The following AP2A1 variants were observed in gnomAD, a reference collection of about 807,000 sequenced individuals.
AP2A1 encodes the protein adaptor related protein complex 2 subunit alpha 1, also known as AP-2 complex subunit alpha-1.
Under a neutral mutation model 107.3 loss-of-function variants are expected in AP2A1, and 21 were observed. The ratio of observed to expected loss-of-function variants is 0.20; its 90% CI spans 0.14 to 0.28. The LOEUF is 0.28. Among genes scored for constraint, AP2A1 ranks in the 10% least tolerant of loss-of-function variants. AP2A1 has a pLI of 1.00. For missense variants in AP2A1, 873 were observed against 1,307.7 expected (o/e 0.67, Z 5.13); for synonymous variants, 602 against 564.8 (o/e 1.07, Z -0.93).
At chr19:49,781,264 G>T (rs1419384917) in intron 1 of AP2A1, among the ~76,000 whole-genome samples, 3 of 152,110 alleles carry the variant, frequency 2.0e-5, no homozygotes, top group Admixed American at 6.5e-5. Flanking sequence ...GGGGACAAAG[G>T]GGGTGAGGAC....
intron 22 of AP2A1, 26 bp from the exon 23 acceptor site, chr19:49,806,655 G>GT: frequency 6.2e-7 from 1 of 1,611,902 alleles, no homozygotes. Flanking sequence ...TCTCCTCTGA[G>GT]TTCTGCCCCC....
chr19:49,804,554 A>G (rs934261803), intron 18 of AP2A1: 4 of 151,680 alleles, frequency 2.6e-5, no homozygotes, highest in African/African-American at 9.7e-5. Context: ...AAAAAAAAAA[A>G]AAATTCCTTC....
chr19:49,776,093 TGGAC>T (rs1168695120), intron 1 of AP2A1, among the ~76,000 whole-genome samples: 1 of 152,128 alleles, frequency 6.6e-6, no homozygotes, highest in African/African-American at 2.4e-5. Flanking sequence ...CAACAGCCAC[TGGAC>T]GGAGCACGGC....
chr19:49,802,013 GCTGCGGGCAGCCCCT>G lies in AP2A1; in HGVS notation c.1988_2002del (p.Leu663_Pro667del). On this transcript the variant is annotated inframe_deletion, in exon 15 of 23. Coordinates refer to ENST00000354293, the MANE Select transcript of AP2A1 (RefSeq NM_130787.3). ...CCTCGCCCTCCGCCGACCTCCTGGGGCTGCGGGCAGCCCCTCCCCCGGCAGCACCCCCGGCTTCTG... is the reference window on the plus strand; with the variant it reads ...CCTCGCCCTCCGCCGACCTCCTGGGGCCCCCGGCAGCACCCCCGGCTTCTG... 6.4e-7 allele frequency: 1 copy of G among 1,552,494 alleles called. No homozygotes were observed. Among genetic ancestry groups the G allele is most frequent in the South Asian group, 1.2e-5 (1 of 84,722 alleles).
At chr19:49,802,301 C>A in intron 15 of AP2A1, 160 bp downstream of exon 15, 1 of 833,742 alleles carries the variant, frequency 1.2e-6, no homozygotes, top group Non-Finnish European at 2.0e-6. Context: ...TCCCCTGCCC[C>A]AGCCTCCCTG....
chr19:49,792,902 C>T, intron 5 of AP2A1, 89 bp from the exon 6 acceptor site: 2 of 1,154,784 alleles, frequency 1.7e-6, no homozygotes, highest in Non-Finnish European at 1.3e-6. Flanking sequence ...CGACTGCACA[C>T]ACATCCCGAC....
intron 18 of AP2A1, 28 bp from the exon 19 acceptor site, chr19:49,805,425 T>G: frequency 3.3e-6 from 5 of 1,518,088 alleles, no homozygotes; most frequent in Non-Finnish European, 4.4e-6. Flanking sequence ...ACCTCCTCTG[T>G]CTGGCTTCCT....
chr19:49,806,428 A>G lies in AP2A1; in HGVS notation c.2790+175A>G, dbSNP rs895199679. 21 of 1,433,760 alleles carry G rather than the reference A, an allele frequency of 1.5e-5. No individual in the cohort carries two copies. The African/African-American group carries it at 2.0e-4, about 14-fold the overall frequency. The allele number at this position is 1,433,760 out of a possible 1,614,324, so 88.8% of individuals were successfully genotyped here. A position where few individuals can be genotyped will look rare whatever the true frequency, so the allele number is the denominator to read the frequency against. Reference sequence around the variant, plus strand: ...CTATCAGTTTAATCTCCTGTCTCCAACCTCTGGTGTTCCTCTCCTCTTCCT... The same window carrying G: ...CTATCAGTTTAATCTCCTGTCTCCAGCCTCTGGTGTTCCTCTCCTCTTCCT... On this transcript the variant is annotated intron_variant, in intron 22 of 22. Coordinates refer to ENST00000354293, the MANE Select transcript of AP2A1 (RefSeq NM_130787.3).
At chr19:49,798,329 C>G (rs2073236146) in intron 7 of AP2A1, among the ~76,000 whole-genome samples, 1 of 152,150 alleles carries the variant, frequency 6.6e-6, no homozygotes, top group African/African-American at 2.4e-5. Context: ...CCGAGTGTGC[C>G]TGCAGTGGCC....
chr19:49,774,639 G>A (rs2084598665), intron 1 of AP2A1, among the ~76,000 whole-genome samples: 1 of 151,920 alleles, frequency 6.6e-6, no homozygotes. Context: ...AAGCAAAACA[G>A]GGGCCAGGTA....
At chr19:49,795,145 G>A (rs1297705105) in intron 6 of AP2A1, among the ~76,000 whole-genome samples, 2 of 152,222 alleles carry the variant, frequency 1.3e-5, no homozygotes, top group Non-Finnish European at 1.5e-5. Flanking sequence ...GTGCTCTGAC[G>A]GAGGAAGCCT....
intron 6 of AP2A1, 44 bp from the exon 7 acceptor site, chr19:49,795,586 C>CACA: frequency 1.4e-6 from 1 of 727,796 alleles, no homozygotes; most frequent in Non-Finnish European, 2.5e-6. Flanking sequence ...CCACGTGCCC[C>CACA]TCCCACCCCA....
rs1568579465 is a variant in AP2A1 at position 49,787,345 on chromosome 19, TTGTTTTTTG to T, written c.474-4588_474-4580del. Among the ~76,000 whole-genome samples, 628 of 108,672 alleles carry T rather than the reference TTGTTTTTTG, an allele frequency of 5.8e-3. 47 individuals carry two copies. Among genetic ancestry groups the T allele is most frequent in the East Asian group, 0.011 (38 of 3,318 alleles). 71.3% of individuals were successfully genotyped at this position (108,672 alleles called of 152,430 possible). A position where few individuals can be genotyped will look rare whatever the true frequency, so the allele number is the denominator to read the frequency against. On this transcript the variant is annotated intron_variant, in intron 4 of 22. Transcript: ENST00000354293. ...TCTAGGCTTTTTTTGTTTGTTTTTTTTGTTTTTTGTTTTTTTTTTTTTGAGGCAGTCTCT... is the reference window on the plus strand; with the variant it reads ...TCTAGGCTTTTTTTGTTTGTTTTTTTTTTTTTTTTTTTTGAGGCAGTCTCT...
In AP2A1 at chr19:49,781,737, CCCT is replaced by C. The variant is rs146219752; in HGVS notation, c.68-9_68-7del. 21,602 of 1,575,068 alleles carry C rather than the reference CCCT, an allele frequency of 0.014. 173 individuals are homozygous for C. The highest frequency in any genetic ancestry group is 0.016 in the Non-Finnish European group (19,058 of 1,160,394). On this transcript the variant is annotated splice_polypyrimidine_tract_variant and intron_variant, in intron 1 of 22. Transcript: ENST00000354293. ...GACTCCCCAGACCCCTCACTGCCTA[CCCT>C]CCTCCTCCTCTCCCAGGTAAGAGCA...
In AP2A1 at chr19:49,781,623, C is replaced by T. The variant is rs1438324875; in HGVS notation, c.68-134C>T. ...CTCCCAGCCAGAGAAGGGGTCCTGG[C>T]CTGTCCTGAGCCCCAGGGCTTGGGG... is the stretch of plus-strand genomic sequence containing the variant. On this transcript the variant is annotated intron_variant, in intron 1 of 22. Transcript: ENST00000354293. 7 of 907,114 alleles carry T rather than the reference C, an allele frequency of 7.7e-6. No individual in the cohort carries two copies. In the South Asian group the frequency reaches 9.8e-5, roughly 13 times the overall value. 56.2% of individuals were successfully genotyped at this position (907,114 alleles called of 1,614,324 possible).
intron 1 of AP2A1, among the ~76,000 whole-genome samples, chr19:49,771,950 A>T (rs2084562760): frequency 6.6e-6 from 1 of 152,194 alleles, no homozygotes; most frequent in Middle Eastern, 3.4e-3. Flanking sequence ...TGACTTCCGG[A>T]CGCCATGGCG....
Position 49,799,757 on chromosome 19 carries a change from CGAG to C in AP2A1, c.1267_1269del (p.Glu423del), listed in dbSNP as rs775137106. 1 of 1,613,082 alleles carries C rather than the reference CGAG, an allele frequency of 6.2e-7. No individual in the cohort carries two copies. The highest frequency in any genetic ancestry group is 1.3e-5 in the African/African-American group (1 of 74,920). Reference sequence around the variant, plus strand: ...TGGAGACGGCAGACTACGCCATCCGCGAGGAGATCGTGAGTGCTGTGGGGTGCG... The same window carrying C: ...TGGAGACGGCAGACTACGCCATCCGCGAGATCGTGAGTGCTGTGGGGTGCG... On this transcript the variant is annotated inframe_deletion, in exon 10 of 23. Coordinates refer to ENST00000354293, the MANE Select transcript of AP2A1 (RefSeq NM_130787.3).
chr19:49,773,631 A>G (rs959154958), intron 1 of AP2A1, among the ~76,000 whole-genome samples: 1 of 152,214 alleles, frequency 6.6e-6, no homozygotes, highest in African/African-American at 2.4e-5. Flanking sequence ...GAGATGGTCC[A>G]CTACACAGGT....
Position 49,781,747 on chromosome 19 carries a change from C to T in AP2A1, c.68-10C>T, listed in dbSNP as rs1015803544. The T allele has an allele frequency of 4.4e-6, 7 of 1,583,948 alleles. No individual in the cohort carries two copies. In the African/African-American group the frequency reaches 8.1e-5, roughly 18 times the overall value. ...ACCCCTCACTGCCTACCCTCCTCCT[C>T]CTCTCCCAGGTAAGAGCAAAGAGGC... is the stretch of plus-strand genomic sequence containing the variant. On this transcript the variant is annotated splice_polypyrimidine_tract_variant and intron_variant, in intron 1 of 22. Transcript: ENST00000354293.
Sources: gnomAD v4.1 joint callset for allele counts (sites outside exome capture counted in the v4.1 genomes callset) on GRCh38, gnomAD v4.1.1 for gene constraint, MANE v1.5 for transcripts, NCBI Gene and HGNC (gene_info 2026-07-23, HGNC 2026-07-21) for gene names.